Variants in HPSE2 observed in about 807,000 individuals in gnomAD.
HPSE2 encodes heparanase 2 (inactive), also known as inactive heparanase-2.
A neutral mutation model predicts 60.5 loss-of-function variants in HPSE2; 38 were observed. The observed-to-expected ratio is 0.63, with a 90% CI of 0.48 to 0.82. The LOEUF (loss-of-function observed/expected upper bound fraction) is 0.82, where lower values mean the gene tolerates loss of function less well. HPSE2 is among the 40% of genes least tolerant of loss of function. The pLI, the probability that HPSE2 is intolerant of heterozygous loss-of-function variation, is 0.00. For missense variants in HPSE2, 713 were observed against 740.4 expected (o/e 0.96, Z 0.43); for synonymous variants, 295 against 293.2 (o/e 1.01, Z -0.06).
At chr10:98,665,060 C>A (rs1947327011) in intron 6 of HPSE2, among the ~76,000 whole-genome samples, 3 of 152,052 alleles carry the variant, frequency 2.0e-5, no homozygotes, top group African/African-American at 7.2e-5. Flanking sequence ...GTAAAATGAT[C>A]CAAGAACTGA....
intron 11 of HPSE2, among the ~76,000 whole-genome samples, chr10:98,467,542 G>T (rs1324982633): frequency 6.6e-6 from 1 of 152,140 alleles, no homozygotes; most frequent in Non-Finnish European, 1.5e-5. Context: ...AGATAAGTCC[G>T]ACTGTGTGTT....
intron 2 of HPSE2, among the ~76,000 whole-genome samples, chr10:99,154,814 G>T (rs986605394): frequency 2.1e-4 from 32 of 152,060 alleles, no homozygotes; most frequent in Admixed American, 1.3e-3. Context: ...TGGCAAATTG[G>T]ATAAAGAGTC....
At chr10:98,617,032 T>A (rs1945930500) in intron 8 of HPSE2, among the ~76,000 whole-genome samples, 1 of 152,226 alleles carries the variant, frequency 6.6e-6, no homozygotes, top group Non-Finnish European at 1.5e-5. Flanking sequence ...AGGGTCTATA[T>A]CTAACAAGTA....
intron 9 of HPSE2, among the ~76,000 whole-genome samples, chr10:98,516,727 T>C (rs1361680962): frequency 6.6e-6 from 1 of 152,236 alleles, no homozygotes; most frequent in Non-Finnish European, 1.5e-5. Context: ...TGCTGCCCTG[T>C]ATCCCTCTTT....
At chr10:98,577,905 C>T (rs777416094) in intron 9 of HPSE2, among the ~76,000 whole-genome samples, 3 of 152,162 alleles carry the variant, frequency 2.0e-5, no homozygotes, top group Non-Finnish European at 4.4e-5. Context: ...GTTTATTTTG[C>T]ATCCTAGGGT....
At chr10:99,030,384 T>C (rs1957473427) in intron 3 of HPSE2, among the ~76,000 whole-genome samples, 1 of 152,126 alleles carries the variant, frequency 6.6e-6, no homozygotes, top group Non-Finnish European at 1.5e-5. Context: ...CATACAGGCA[T>C]ATGAAAAAGT....
At chr10:98,673,885 C>T (rs1262555828) in intron 6 of HPSE2, among the ~76,000 whole-genome samples, 1 of 152,142 alleles carries the variant, frequency 6.6e-6, no homozygotes, top group Non-Finnish European at 1.5e-5. Flanking sequence ...ATACTTACCC[C>T]ATGGAGGAAG....
At chr10:99,051,344 C>T (rs1442567762) in intron 3 of HPSE2, among the ~76,000 whole-genome samples, 1 of 152,136 alleles carries the variant, frequency 6.6e-6, no homozygotes, top group Non-Finnish European at 1.5e-5. Flanking sequence ...AAATATTCTC[C>T]ATTTTTCCCA....
intron 5 of HPSE2, among the ~76,000 whole-genome samples, chr10:98,699,834 C>A (rs1171945941): frequency 8.6e-6 from 1 of 116,754 alleles, no homozygotes; most frequent in African/African-American, 2.7e-5. Context: ...CACAAGCATT[C>A]TTATACACCA....
At chr10:99,306,372 A>G in the HPSE2 span, among the ~76,000 whole-genome samples, 4 of 152,206 alleles carry the variant, frequency 2.6e-5, no homozygotes, top group East Asian at 7.8e-4. Context: ...CAAACCACGT[A>G]AGCCCTGGCC....
At chr10:98,484,127 C>G (rs1330911110) in intron 10 of HPSE2, among the ~76,000 whole-genome samples, 1 of 152,156 alleles carries the variant, frequency 6.6e-6, no homozygotes, top group Non-Finnish European at 1.5e-5. Context: ...TTTTCATTTG[C>G]CATTTCATTT....
chr10:99,175,962 G>A (rs1184244553), intron 2 of HPSE2, among the ~76,000 whole-genome samples: 1 of 152,214 alleles, frequency 6.6e-6, no homozygotes, highest in Non-Finnish European at 1.5e-5. Flanking sequence ...AGCCTCTGCT[G>A]TGACACCCAG....
intron 3 of HPSE2, among the ~76,000 whole-genome samples, chr10:98,938,898 T>C (rs1169337574): frequency 6.9e-6 from 1 of 144,158 alleles, no homozygotes; most frequent in Admixed American, 6.9e-5. Flanking sequence ...TGGCAGAAAC[T>C]CTACAAGCCA....
intron 3 of HPSE2, among the ~76,000 whole-genome samples, chr10:98,889,563 T>C (rs1953274586): frequency 6.6e-6 from 1 of 152,120 alleles, no homozygotes; most frequent in African/African-American, 2.4e-5. Flanking sequence ...TTGGTATCTA[T>C]TGGCAAAGAC....
At chr10:98,542,796 C>G (rs1292210685) in intron 9 of HPSE2, among the ~76,000 whole-genome samples, 1 of 151,908 alleles carries the variant, frequency 6.6e-6, no homozygotes, top group Non-Finnish European at 1.5e-5. Context: ...TAAAAAGAAA[C>G]GAGCAAAGCC....
intron 7 of HPSE2, among the ~76,000 whole-genome samples, chr10:98,626,089 G>A (rs1052481093): frequency 2.0e-5 from 3 of 148,690 alleles, no homozygotes; most frequent in Non-Finnish European, 3.0e-5. Flanking sequence ...CTGGGCGACA[G>A]AGCGAGACTC....
intron 7 of HPSE2, among the ~76,000 whole-genome samples, chr10:98,636,243 T>G (rs1008526633): frequency 2.0e-5 from 3 of 151,546 alleles, no homozygotes; most frequent in African/African-American, 7.3e-5. Flanking sequence ...CTGTTTTTTT[T>G]TTTGTTTTTT....
chr10:99,100,000 A>G (rs2135634524), intron 3 of HPSE2, among the ~76,000 whole-genome samples: 1 of 152,318 alleles, frequency 6.6e-6, no homozygotes, highest in Non-Finnish European at 1.5e-5. Flanking sequence ...GTATGTCACC[A>G]TCATCAAAGA....
At chr10:99,121,731 C>T (rs1260836179) in intron 3 of HPSE2, among the ~76,000 whole-genome samples, 3 of 152,064 alleles carry the variant, frequency 2.0e-5, no homozygotes, top group Non-Finnish European at 4.4e-5. Context: ...ACTGGCAGGA[C>T]ATTTATAAAA....
Sources: gnomAD v4.1 joint callset for allele counts (sites outside exome capture counted in the v4.1 genomes callset) on GRCh38, gnomAD v4.1.1 for gene constraint, MANE v1.5 for transcripts, NCBI Gene and HGNC (gene_info 2026-07-23, HGNC 2026-07-21) for gene names.